ERH: variants seen among roughly 807,000 people sequenced by gnomAD.
ERH encodes ERH mRNA splicing and mitosis factor.
A neutral mutation model predicts 16.8 loss-of-function variants in ERH; 1 was observed. The ratio of observed to expected loss-of-function variants is 0.06; its 90% CI spans 0.02 to 0.28. The LOEUF (loss-of-function observed/expected upper bound fraction) is 0.28, where lower values mean the gene tolerates loss of function less well. Among genes scored for constraint, ERH ranks in the 10% least tolerant of loss-of-function variants. The probability of loss-of-function intolerance (pLI) is 1.00; values close to 1 mark genes in which losing one functional copy is unlikely to be tolerated. For missense variants in ERH, 42 were observed against 127.5 expected (o/e 0.33, Z 3.23); for synonymous variants, 43 against 43.6 (o/e 0.99, Z 0.05).
chr14:69,382,164 G>C (rs1179013335), intron 3 of ERH, among the ~76,000 whole-genome samples: 1 of 152,126 alleles, frequency 6.6e-6, no homozygotes. Context: ...TTCCAAAGTA[G>C]GAATGCTTTA....
chr14:69,380,328 TAA>T lies in ERH; in HGVS notation c.*208_*209del, dbSNP rs796266225. ...CTAAATCATCATAAAAATGTTTAAGTAAAAAAAAAAAAAGAAAGAGAAAGAAA... is the reference window on the plus strand; with the variant it reads ...CTAAATCATCATAAAAATGTTTAAGTAAAAAAAAAAAGAAAGAGAAAGAAA... On this transcript the variant is annotated 3_prime_UTR_variant, in exon 4 of 4. Transcript: ENST00000557016. 4,483 of 345,258 alleles carry T rather than the reference TAA, an allele frequency of 0.013. No homozygotes were observed. The highest frequency in any genetic ancestry group is 0.016 in the East Asian group (383 of 23,532). 21.4% of individuals were successfully genotyped at this position (345,258 alleles called of 1,614,324 possible).
At chr14:69,393,374 A>G (rs964389668) in intron 2 of ERH, among the ~76,000 whole-genome samples, 2 of 152,170 alleles carry the variant, frequency 1.3e-5, no homozygotes, top group South Asian at 2.1e-4. Context: ...TACTATACAC[A>G]ACAGCAAAGT....
chr14:69,388,929 T>C (rs1254401067), intron 2 of ERH, among the ~76,000 whole-genome samples: 2 of 152,188 alleles, frequency 1.3e-5, no homozygotes, highest in Non-Finnish European at 1.5e-5. Context: ...TACATTGTGA[T>C]CACAGAATAT....
At chr14:69,395,077 G>T (rs1303971841) in intron 1 of ERH, among the ~76,000 whole-genome samples, 165 bp from the exon 2 acceptor site, 3 of 152,156 alleles carry the variant, frequency 2.0e-5, no homozygotes, top group African/African-American at 7.2e-5. Context: ...CCTCTGGGAG[G>T]CTGAGAGGGG....
chr14:69,389,258 C>T (rs2045910238), intron 2 of ERH, among the ~76,000 whole-genome samples: 2 of 152,292 alleles, frequency 1.3e-5, no homozygotes, highest in East Asian at 3.9e-4. Flanking sequence ...AACTCTTGAC[C>T]TCAGGTGATC....
intron 2 of ERH, among the ~76,000 whole-genome samples, chr14:69,389,292 G>A (rs928407814): frequency 6.6e-6 from 1 of 152,210 alleles, no homozygotes; most frequent in Non-Finnish European, 1.5e-5. Context: ...CTCCCAAAGT[G>A]CTGGGATTAC....
chr14:69,394,758 T>A (rs1882296710), intron 2 of ERH, 67 bp downstream of exon 2: 50 of 1,152,972 alleles, frequency 4.3e-5, no homozygotes, highest in Admixed American at 6.6e-5. Context: ...AAAAAAAAAA[T>A]TTGGAGGGGA....
intron 3 of ERH, among the ~76,000 whole-genome samples, chr14:69,386,110 T>C (rs2045891031): frequency 6.6e-6 from 1 of 152,190 alleles, no homozygotes; most frequent in African/African-American, 2.4e-5. Flanking sequence ...CAAAGTGAAA[T>C]GGCTACAACC....
Position 69,387,872 on chromosome 14 carries a change from G to A in ERH, c.92-789C>T, listed in dbSNP as rs191066072. Among the ~76,000 whole-genome samples, 476 of 152,076 alleles carry A rather than the reference G, an allele frequency of 3.1e-3. 4 individuals are homozygous for A. Among genetic ancestry groups the A allele is most frequent in the African/African-American group, 0.011 (461 of 41,472 alleles). On this transcript the variant is annotated intron_variant, in intron 2 of 3. Transcript: ENST00000557016. Reference sequence around the variant, plus strand: ...ATCCTGGCCAACACAGTGAAACCCTGTCTCTACTAAAAAAATACAAAAAAT... The same window carrying A: ...ATCCTGGCCAACACAGTGAAACCCTATCTCTACTAAAAAAATACAAAAAAT...
chr14:69,392,169 G>GA (rs35123151), intron 2 of ERH, among the ~76,000 whole-genome samples: 19,264 of 140,016 alleles, frequency 0.14, 1,357 homozygotes, highest in East Asian at 0.2. Context: ...AAGGGGGGAG[G>GA]AAAAAAATGC....
At position 69,381,793 on chromosome 14, in the gene ERH, A is replaced by G. The variant is rs554033150; in HGVS notation, c.213-1153T>C. The stretch of plus-strand genomic sequence containing the variant: ...AACCTCTGCCACCTGGGTTCACATG[A>G]TTCTCCTGCCTCAGCCTCCTGAGTA... On this transcript the variant is annotated intron_variant, in intron 3 of 3. Transcript: ENST00000557016. Among the ~76,000 whole-genome samples the G allele has an allele frequency of 4.6e-5, 7 of 152,220 alleles. No homozygotes were observed. In the East Asian group the frequency reaches 1.2e-3, roughly 25 times the overall value.
In ERH at chr14:69,383,378, A is replaced by G. The variant is rs114068354; in HGVS notation, c.213-2738T>C. ...TCACTGCCATGTAAATTTAATAGAA[A>G]CTATGAGCACACAACCATCTACAAA... On this transcript the variant is annotated intron_variant, in intron 3 of 3. Transcript: ENST00000557016. Among the ~76,000 whole-genome samples the G allele has an allele frequency of 3.1e-3, 478 of 152,350 alleles. 4 individuals carry two copies. Among genetic ancestry groups the G allele is most frequent in the African/African-American group, 0.011 (463 of 41,564 alleles).
intron 1 of ERH, among the ~76,000 whole-genome samples, chr14:69,396,423 G>A (rs544832704): frequency 5.9e-5 from 9 of 152,268 alleles, no homozygotes; most frequent in African/African-American, 2.2e-4. Flanking sequence ...CACCATGCTC[G>A]GCTAATTTTG....
chr14:69,387,092 G>C lies in ERH; in HGVS notation c.92-9C>G. On this transcript the variant is annotated splice_polypyrimidine_tract_variant and intron_variant, in intron 2 of 3. Coordinates refer to ENST00000557016, the MANE Select transcript of ERH (RefSeq NM_004450.3). ...ATACATTTTACAAACACCTAAGAAA[G>C]GATAGGAAAAAAAGCAAAATCTTAC... 1.2e-6 allele frequency: 2 copies of C among 1,611,284 alleles called. No homozygotes were observed. The highest frequency in any genetic ancestry group is 1.1e-5 in the South Asian group (1 of 90,774).
rs1882407676 is a variant in ERH at position 69,398,066 on chromosome 14, G to A, written c.3+165C>T. 81 of 906,712 alleles carry A rather than the reference G, an allele frequency of 8.9e-5. No homozygotes were observed. The South Asian group carries it at 1.2e-3, about 13-fold the overall frequency. The allele number at this position is 906,712 out of a possible 1,614,324, so 56.2% of individuals were successfully genotyped here. A position where few individuals can be genotyped will look rare whatever the true frequency, so the allele number is the denominator to read the frequency against. On this transcript the variant is annotated intron_variant, in intron 1 of 3. Coordinates refer to ENST00000557016, the MANE Select transcript of ERH (RefSeq NM_004450.3). ...CCGGGGCTCCGAGGCCTAGAGTCAGGCCTGGCGTCCCTGCGGCGGGAAGAA... is the reference window on the plus strand; with the variant it reads ...CCGGGGCTCCGAGGCCTAGAGTCAGACCTGGCGTCCCTGCGGCGGGAAGAA...
At chr14:69,382,794 GAAAAAAAA>G (rs57755714) in intron 3 of ERH, among the ~76,000 whole-genome samples, 1 of 120,072 alleles carries the variant, frequency 8.3e-6, no homozygotes, top group Non-Finnish European at 1.8e-5. Flanking sequence ...ATCTCCAAAA[GAAAAAAAA>G]AAAAAAAGCA....
intron 1 of ERH, among the ~76,000 whole-genome samples, 189 bp from the exon 2 acceptor site, chr14:69,395,101 G>A (rs982501823): frequency 1.6e-4 from 24 of 152,092 alleles, no homozygotes; most frequent in Non-Finnish European, 5.9e-5. Context: ...AATCACTTGA[G>A]GCCAGAAGCT....
At chr14:69,392,357 T>C (rs1424979949) in intron 2 of ERH, among the ~76,000 whole-genome samples, 1 of 152,110 alleles carries the variant, frequency 6.6e-6, no homozygotes, top group East Asian at 1.9e-4. Context: ...AGCTACCAAG[T>C]CATGAAAAGA....
In ERH at chr14:69,398,238, C is replaced by G. The variant is rs1179191166; in HGVS notation, c.-5G>C. On this transcript the variant is annotated 5_prime_UTR_variant, in exon 1 of 4. Coordinates refer to ENST00000557016, the MANE Select transcript of ERH (RefSeq NM_004450.3). ...CGCGGAGGCCTTTCTCACCATCGCG[C>G]CAAACTCTCTTCGCTACAGCAGCTG... 1 of 1,614,040 alleles carries G rather than the reference C, an allele frequency of 6.2e-7. No individual in the cohort carries two copies. The highest frequency in any genetic ancestry group is 1.1e-5 in the South Asian group (1 of 91,068).
Sources: allele counts gnomAD v4.1 joint callset (sites outside exome capture counted in the v4.1 genomes callset), GRCh38; gene constraint gnomAD v4.1.1; transcripts MANE v1.5; gene names NCBI Gene and HGNC (gene_info 2026-07-23, HGNC 2026-07-21).